NEGR1: variants seen among roughly 807,000 people sequenced by gnomAD.
NEGR1 encodes the protein IgLON family member 4.
A neutral mutation model predicts 40.9 loss-of-function variants in NEGR1; 10 were observed. The observed-to-expected ratio is 0.24, with a 90% CI of 0.15 to 0.42. The LOEUF is 0.42. NEGR1 is among the 10% of genes least tolerant of loss of function. NEGR1 has a pLI of 1.00. For synonymous variants in NEGR1, 185 were observed against 166.8 expected (o/e 1.11, Z -0.84); for missense variants, 352 against 438.9 (o/e 0.80, Z 1.77).
intron 1 of NEGR1, among the ~76,000 whole-genome samples, chr1:72,113,757 C>A (rs1178278234): frequency 4.6e-5 from 7 of 151,842 alleles, no homozygotes; most frequent in South Asian, 4.1e-4. Flanking sequence ...TAGAATTTGT[C>A]CTAACAGTTA....
chr1:72,181,996 T>C (rs1156290486), intron 1 of NEGR1, among the ~76,000 whole-genome samples: 2 of 152,076 alleles, frequency 1.3e-5, no homozygotes, highest in African/African-American at 4.8e-5. Flanking sequence ...GGACCAGAGG[T>C]AATAAAATTT....
At chr1:71,823,669 A>G (rs571579065) in intron 2 of NEGR1, among the ~76,000 whole-genome samples, 3 of 152,050 alleles carry the variant, frequency 2.0e-5, no homozygotes, top group Admixed American at 6.6e-5. Context: ...TTACAGCTTC[A>G]CACCAGAGTT....
intron 2 of NEGR1, among the ~76,000 whole-genome samples, chr1:71,780,877 A>C (rs1011938149): frequency 2.0e-5 from 3 of 152,182 alleles, no homozygotes; most frequent in African/African-American, 7.2e-5. Context: ...CCCTCTTCTG[A>C]GCCCATCTGT....
chr1:71,719,929 C>T (rs1654446346), intron 3 of NEGR1, among the ~76,000 whole-genome samples: 1 of 151,986 alleles, frequency 6.6e-6, no homozygotes, highest in African/African-American at 2.4e-5. Flanking sequence ...TATGTCCTGA[C>T]CCTATAAGAG....
At chr1:71,642,449 G>T (rs1291858643) in intron 4 of NEGR1, among the ~76,000 whole-genome samples, 1 of 151,622 alleles carries the variant, frequency 6.6e-6, no homozygotes, top group African/African-American at 2.4e-5. Flanking sequence ...AATTGGGGGG[G>T]AGAGAAAAAG....
rs148707586 is a variant in NEGR1, at chr1:71,698,089, C to T, written c.586G>A (p.Asp196Asn). 8 of 1,610,846 alleles carry T rather than the reference C, an allele frequency of 5.0e-6. No individual in the cohort carries two copies. The African/African-American group carries it at 9.4e-5, about 19-fold the overall frequency. The part of the protein sequence containing the change: ...QYLDIYGITR[D>N]QAGEYECSAE... ...CTGCATTCATATTCCCCAGCCTGGT[C>T]CCTTGTAATTCCATAAATGTCCAAA... Residue 196 changes from aspartate (D) to asparagine (N), a missense_variant, in exon 4 of 7, where the codon GAC becomes AAC. By Grantham distance (23) the Asp-to-Asn change is conservative. Around this residue, in one of 5 missense-constraint regions of NEGR1, gnomAD observed 184 missense variants for 208.7 expected, o/e 0.88. Transcript: ENST00000357731.
In NEGR1 at chr1:71,690,619, C is replaced by CAGAGAGAGAGAGAGAGAGAGAG. The variant is rs59019409; in HGVS notation, c.667+7367_667+7388dup. Among the ~76,000 whole-genome samples the CAGAGAGAGAGAGAGAGAGAGAG allele has an allele frequency of 1.1e-3, 75 of 67,646 alleles. 7 individuals carry two copies. Among genetic ancestry groups the CAGAGAGAGAGAGAGAGAGAGAG allele is most frequent in the South Asian group, 2.6e-3 (3 of 1,152 alleles). The allele number at this position is 67,646 out of a possible 152,430, so 44.4% of individuals were successfully genotyped here. On this transcript the variant is annotated intron_variant, in intron 4 of 6. Transcript: ENST00000357731. ...ACACACATATATATATAGAGGGAGA[C>CAGAGAGAGAGAGAGAGAGAGAG]AGAGAGAGAGAGAGAGAGAGAGAGA... is the stretch of plus-strand genomic sequence containing the variant.
intron 2 of NEGR1, among the ~76,000 whole-genome samples, chr1:71,786,812 T>C (rs1307267691): frequency 2.0e-5 from 3 of 152,086 alleles, no homozygotes; most frequent in Admixed American, 1.3e-4. Context: ...TACAGTAGAG[T>C]TGTGGAAGAA....
At chr1:71,522,200 G>A (rs1435236331) in intron 6 of NEGR1, among the ~76,000 whole-genome samples, 1 of 151,924 alleles carries the variant, frequency 6.6e-6, no homozygotes, top group African/African-American at 2.4e-5. Context: ...GTATTTTAGG[G>A]TTATATTCTA....
chr1:71,718,094 A>C (rs1654338095), intron 3 of NEGR1, among the ~76,000 whole-genome samples: 1 of 152,150 alleles, frequency 6.6e-6, no homozygotes, highest in African/African-American at 2.4e-5. Context: ...ATATGAAAAA[A>C]TTTTGTAAAG....
At chr1:71,704,179 A>ACG (rs1190368533) in intron 3 of NEGR1, among the ~76,000 whole-genome samples, 3 of 151,336 alleles carry the variant, frequency 2.0e-5, no homozygotes, top group Admixed American at 6.6e-5. Context: ...ACACACACAC[A>ACG]CACACACACA....
chr1:71,523,615 G>A (rs752305993), intron 6 of NEGR1, among the ~76,000 whole-genome samples: 18 of 151,948 alleles, frequency 1.2e-4, no homozygotes, highest in East Asian at 3.9e-4. Flanking sequence ...AGATGACCAG[G>A]CAGAGTCCAA....
rs1646688918 is a variant in NEGR1, at chr1:72,014,311, A to G, written c.177-79000T>C. Among the ~76,000 whole-genome samples the G allele has an allele frequency of 2.0e-5, 3 of 151,764 alleles. No homozygotes were observed. The Admixed American group carries it at 2.0e-4, about 10-fold the overall frequency. On this transcript the variant is annotated intron_variant, in intron 1 of 6. Transcript: ENST00000357731. ...CTCATTTGAGAAATTCTCAGCTTACATAAGGAACTGCCTGAAGTCACATAA... is the reference window on the plus strand; with the variant it reads ...CTCATTTGAGAAATTCTCAGCTTACGTAAGGAACTGCCTGAAGTCACATAA...
At chr1:71,689,592 G>A (rs1011298295) in intron 4 of NEGR1, among the ~76,000 whole-genome samples, 3 of 151,962 alleles carry the variant, frequency 2.0e-5, no homozygotes, top group Non-Finnish European at 4.4e-5. Context: ...AATATAGACT[G>A]AATAATTCAG....
chr1:72,015,493 G>A lies in NEGR1; in HGVS notation c.177-80182C>T, dbSNP rs139958783. 1.4e-4 allele frequency among the ~76,000 whole-genome samples: 21 copies of A among 151,918 alleles called. No homozygotes were observed. In the East Asian group the frequency reaches 3.3e-3, roughly 24 times the overall value. On this transcript the variant is annotated intron_variant, in intron 1 of 6. Transcript: ENST00000357731. ...CAACTTTCCTCTTTAGGTTTTTACC[G>A]TAAATAAAATGACCATTATTATTCT...
rs187063981 is a variant in NEGR1, at chr1:71,575,678, G to C, written c.940+17139C>G. Among the ~76,000 whole-genome samples, 644 of 152,282 alleles carry C rather than the reference G, an allele frequency of 4.2e-3. 5 individuals are homozygous for C. The highest frequency in any genetic ancestry group is 0.014 in the African/African-American group (586 of 41,566). On this transcript the variant is annotated intron_variant, in intron 6 of 6. Transcript: ENST00000357731. The stretch of plus-strand genomic sequence containing the variant: ...GGTGCCTGTAGTCTCAGCTACTCGG[G>C]AGGCCGAGGCAGGAGAATGGCATGA...
rs145354058 is a variant in NEGR1 at position 71,675,126 on chromosome 1, T to TATATATATATATATACACAC, written c.667+22881_667+22882insGTGTGTATATATATATATAT. 4.8e-3 allele frequency among the ~76,000 whole-genome samples: 377 copies of TATATATATATATATACACAC among 77,756 alleles called. 13 individuals are homozygous for TATATATATATATATACACAC. Among genetic ancestry groups the TATATATATATATATACACAC allele is most frequent in the African/African-American group, 0.015 (363 of 24,270 alleles). The allele number at this position is 77,756 out of a possible 152,430, so 51.0% of individuals were successfully genotyped here. A position where few individuals can be genotyped will look rare whatever the true frequency, so the allele number is the denominator to read the frequency against. ...GCATGTTTATTCATATATATATATA[T>TATATATATATATATACACAC]ACACACACACATATGAATTCTTAGA... On this transcript the variant is annotated intron_variant, in intron 4 of 6. Coordinates refer to ENST00000357731, the MANE Select transcript of NEGR1 (RefSeq NM_173808.3).
rs148536771 is a variant in NEGR1, at chr1:72,253,794, T to C, written c.176+28525A>G. ...ACAAGATATTAGAAGAGATTAGCAA[T>C]AGTGCATCAATGATATTGAAATGGA... On this transcript the variant is annotated intron_variant, in intron 1 of 6. Transcript: ENST00000357731. Among the ~76,000 whole-genome samples the C allele has an allele frequency of 2.0e-4, 30 of 152,268 alleles. 1 individual carries two copies. The East Asian group carries it at 5.8e-3, about 29-fold the overall frequency.
chr1:71,619,195 C>T (rs566403799), intron 4 of NEGR1, among the ~76,000 whole-genome samples: 1 of 152,188 alleles, frequency 6.6e-6, no homozygotes, highest in South Asian at 2.1e-4. Context: ...CCAAGTTGTA[C>T]AAAACACTCA....
Sources: allele counts gnomAD v4.1 joint callset (sites outside exome capture counted in the v4.1 genomes callset), GRCh38; gene constraint gnomAD v4.1.1; regional missense constraint gnomAD v4.1.1; transcripts MANE v1.5; gene names NCBI Gene and HGNC (gene_info 2026-07-23, HGNC 2026-07-21).